Variants in BMPR1A observed in about 807,000 individuals in gnomAD.
The protein encoded by BMPR1A is bone morphogenetic protein receptor type 1A.
In BMPR1A, 7 loss-of-function variants were observed where a neutral mutation model predicts 66.0. The observed-to-expected ratio is 0.11, with a 90% CI of 0.06 to 0.20. The LOEUF is 0.20. Ranked by LOEUF, BMPR1A falls within the 10% of genes least tolerant of loss-of-function variation. The pLI, the probability that BMPR1A is intolerant of heterozygous loss-of-function variation, is 1.00. For missense variants in BMPR1A, 408 were observed against 669.1 expected (o/e 0.61, Z 4.31); for synonymous variants, 200 against 229.7 (o/e 0.87, Z 1.17).
chr10:86,765,989 C>CTTTTTTTTTTTTTTTTTTTTTTTTTT (rs67035271), intron 1 of BMPR1A, among the ~76,000 whole-genome samples: 1 of 131,796 alleles, frequency 7.6e-6, no homozygotes, highest in South Asian at 2.5e-4. Context: ...TTTCCTCATT[C>CTTTTTTTTTTTTTTTTTTTTTTTTTT]TTTTTTTTTT....
intron 1 of BMPR1A, among the ~76,000 whole-genome samples, chr10:86,822,613 C>CT (rs1366674891): frequency 3.5e-5 from 4 of 113,874 alleles, no homozygotes; most frequent in African/African-American, 1.4e-4. Flanking sequence ...CTTCAGTTTT[C>CT]TTTTTTTTTC....
chr10:86,767,083 A>G (rs1399799070), intron 1 of BMPR1A, among the ~76,000 whole-genome samples: 2 of 152,188 alleles, frequency 1.3e-5, no homozygotes, highest in South Asian at 4.2e-4. Context: ...TGGCCTCCCA[A>G]AGTGCTGGGA....
chr10:86,779,681 G>A (rs1345099094), intron 1 of BMPR1A, among the ~76,000 whole-genome samples: 1 of 152,100 alleles, frequency 6.6e-6, no homozygotes, highest in Admixed American at 6.6e-5. Flanking sequence ...TCCACTCTAA[G>A]CTCAACCTCC....
intron 1 of BMPR1A, among the ~76,000 whole-genome samples, chr10:86,763,299 G>A (rs1841101977): frequency 6.6e-6 from 1 of 152,144 alleles, no homozygotes; most frequent in African/African-American, 2.4e-5. Flanking sequence ...TAAAGAAGCA[G>A]CGGAATGATT....
At chr10:86,836,936 AAAG>A (rs1430185386) in intron 1 of BMPR1A, among the ~76,000 whole-genome samples, 6 of 152,192 alleles carry the variant, frequency 3.9e-5, no homozygotes, top group African/African-American at 1.4e-4. Context: ...CTGTCTCAAA[AAAG>A]AAAAAGAAGA....
downstream of BMPR1A, chr10:86,928,960 CTTTTT>C (rs1843783759): frequency 1.3e-5 from 2 of 151,448 alleles, no homozygotes; most frequent in Non-Finnish European, 2.9e-5. Context: ...CGGCCTTATT[CTTTTT>C]TATGTTGCAT....
intron 7 of BMPR1A, 56 bp from the exon 8 acceptor site, chr10:86,912,184 T>G: frequency 3.8e-6 from 6 of 1,592,166 alleles, no homozygotes; most frequent in Non-Finnish European, 5.2e-6. Context: ...AAGGTTTTTC[T>G]TAGGGTTTTA....
intron 3 of BMPR1A, among the ~76,000 whole-genome samples, chr10:86,878,079 C>G (rs1254488378): frequency 1.3e-5 from 2 of 151,978 alleles, no homozygotes; most frequent in African/African-American, 4.8e-5. Context: ...AAGCTAAAAC[C>G]AATGTAGAAA....
rs146126880 is a variant in BMPR1A, at chr10:86,858,967, C to T, written c.-152-16900C>T. On this transcript the variant is annotated intron_variant, in intron 2 of 12. Coordinates refer to ENST00000372037, the MANE Select transcript of BMPR1A (RefSeq NM_004329.3). ...CCATAAAGGACTGCAAATGCCAAAG[C>T]GGTTCTGAGCCAAAAGGACAAAGCT... Among the ~76,000 whole-genome samples the T allele has an allele frequency of 4.7e-3, 713 of 152,268 alleles. 6 individuals are homozygous for T. The highest frequency in any genetic ancestry group is 0.016 in the African/African-American group (673 of 41,564).
rs142846488 is a variant in BMPR1A, at chr10:86,926,475, G to A, written c.*2756G>A. 678 of 161,318 alleles carry A rather than the reference G, an allele frequency of 4.2e-3. 5 individuals are homozygous for A. Among genetic ancestry groups the A allele is most frequent in the African/African-American group, 0.015 (617 of 41,832 alleles). 10.0% of individuals were successfully genotyped at this position (161,318 alleles called of 1,614,324 possible). ...GTGGAGGTTGCAGTGAGCTGAGATCGTGTCACTGCACTCCAGCCTGGGCAA... is the reference window on the plus strand; with the variant it reads ...GTGGAGGTTGCAGTGAGCTGAGATCATGTCACTGCACTCCAGCCTGGGCAA... On this transcript the variant is annotated 3_prime_UTR_variant, in exon 13 of 13. Coordinates refer to ENST00000372037, the MANE Select transcript of BMPR1A (RefSeq NM_004329.3).
intron 1 of BMPR1A, among the ~76,000 whole-genome samples, chr10:86,795,436 C>G (rs1198745387): frequency 6.7e-6 from 1 of 150,216 alleles, no homozygotes; most frequent in Non-Finnish European, 1.5e-5. Context: ...TTTCCTAACG[C>G]TGTAACAGTG....
intron 7 of BMPR1A, among the ~76,000 whole-genome samples, chr10:86,910,228 T>C (rs1444659631): frequency 1.3e-5 from 2 of 151,784 alleles, no homozygotes; most frequent in African/African-American, 4.8e-5. Context: ...TCCCAGCTAC[T>C]CGGGAGGCTG....
At position 86,921,529 on chromosome 10, in the gene BMPR1A, T is replaced by C. The variant is rs1589292569; in HGVS notation, c.1176T>C (p.Asn392=). Residue 392 remains asparagine, a synonymous_variant, in exon 11 of 13, where the codon AAT becomes AAC. Coordinates refer to ENST00000372037, the MANE Select transcript of BMPR1A (RefSeq NM_004329.3). ...GLAVKFNSDT[N]EVDVPLNTRV... Reference sequence around the variant, plus strand: ...CTTTCTTTTGTTTCAGTGACACAAATGAAGTTGATGTGCCCTTGAATACCA... The same window carrying C: ...CTTTCTTTTGTTTCAGTGACACAAACGAAGTTGATGTGCCCTTGAATACCA... The C allele has an allele frequency of 6.2e-7, 1 of 1,614,042 alleles. No homozygotes were observed. The highest frequency in any genetic ancestry group is 8.5e-7 in the Non-Finnish European group (1 of 1,179,940).
intron 1 of BMPR1A, among the ~76,000 whole-genome samples, chr10:86,836,130 CT>C (rs1370566309): frequency 3.9e-5 from 6 of 152,252 alleles, no homozygotes; most frequent in South Asian, 2.1e-4. Flanking sequence ...ACTAACACCC[CT>C]GGTGGTTGTT....
At chr10:86,786,300 C>A (rs1156468988) in intron 1 of BMPR1A, among the ~76,000 whole-genome samples, 1 of 152,144 alleles carries the variant, frequency 6.6e-6, no homozygotes, top group Non-Finnish European at 1.5e-5. Context: ...AACCGTTGTT[C>A]ATTTCCCACC....
intron 2 of BMPR1A, among the ~76,000 whole-genome samples, chr10:86,852,095 A>G (rs2133186807): frequency 6.6e-6 from 1 of 151,594 alleles, no homozygotes. Flanking sequence ...AAAAAAGAAA[A>G]GTCTGAAATA....
intron 1 of BMPR1A, among the ~76,000 whole-genome samples, chr10:86,786,224 C>G (rs1177155166): frequency 2.0e-5 from 3 of 152,178 alleles, no homozygotes; most frequent in Non-Finnish European, 4.4e-5. Context: ...TCCTCCACAA[C>G]AACATACTGT....
intron 7 of BMPR1A, among the ~76,000 whole-genome samples, chr10:86,909,586 CAAA>C (rs776483639): frequency 9.1e-6 from 1 of 110,310 alleles, no homozygotes. Context: ...GACCCTATCT[CAAA>C]AAAAAAAAAG....
chr10:86,794,489 T>C (rs1041872387), intron 1 of BMPR1A, among the ~76,000 whole-genome samples: 5 of 152,204 alleles, frequency 3.3e-5, no homozygotes, highest in African/African-American at 1.2e-4. Context: ...TAAGCAAATA[T>C]GTGATCACCT....
Sources: gnomAD v4.1 joint callset for allele counts (sites outside exome capture counted in the v4.1 genomes callset) on GRCh38, gnomAD v4.1.1 for gene constraint, MANE v1.5 for transcripts, NCBI Gene and HGNC (gene_info 2026-07-23, HGNC 2026-07-21) for gene names.